Variants in PIEZO2 observed in about 807,000 individuals in gnomAD.
PIEZO2 encodes the protein piezo-type mechanosensitive ion channel component 2.
PIEZO2 carries 172 observed loss-of-function variants against 337.3 expected under a neutral mutation model. The observed-to-expected ratio is 0.51, with a 90% CI of 0.45 to 0.58. PIEZO2 has a LOEUF of 0.58. Among genes scored for constraint, PIEZO2 ranks in the 20% least tolerant of loss-of-function variants. The pLI is 0.00. For synonymous variants in PIEZO2, 1,251 were observed against 1,228.5 expected, an observed-to-expected ratio of 1.02 and a Z score of -0.38; for missense variants, 3,028 against 3,391.3, an observed-to-expected ratio of 0.89 and a Z score of 2.66.
At chr18:10,955,538 G>A (rs987871683) in intron 3 of PIEZO2, among the ~76,000 whole-genome samples, 1 of 152,128 alleles carries the variant, frequency 6.6e-6, no homozygotes, top group African/African-American at 2.4e-5. Context: ...GAGAGTGCAC[G>A]CTTTGGAAGT....
At chr18:10,974,853 A>G (rs926363243) in intron 3 of PIEZO2, among the ~76,000 whole-genome samples, 1 of 152,234 alleles carries the variant, frequency 6.6e-6, no homozygotes, top group Non-Finnish European at 1.5e-5. Context: ...CTCTTGATGT[A>G]AATCAGAGGA....
chr18:10,686,623 G>C (rs962627545), intron 49 of PIEZO2, among the ~76,000 whole-genome samples: 2 of 152,170 alleles, frequency 1.3e-5, no homozygotes, highest in African/African-American at 4.8e-5. Context: ...TGCCATCACA[G>C]AGCTCATAAT....
intron 18 of PIEZO2, among the ~76,000 whole-genome samples, chr18:10,776,171 C>T (rs1015334942): frequency 2.6e-5 from 4 of 152,018 alleles, no homozygotes; most frequent in South Asian, 2.1e-4. Flanking sequence ...TAGAGAAGAA[C>T]GTTAAAAGAC....
At chr18:11,098,362 T>C (rs777872822) in intron 1 of PIEZO2, among the ~76,000 whole-genome samples, 16 of 152,004 alleles carry the variant, frequency 1.1e-4, no homozygotes, top group Non-Finnish European at 1.8e-4. Flanking sequence ...TTTTCTCTCC[T>C]AGGTTTCTTT....
chr18:10,937,991 G>A (rs989060368), intron 3 of PIEZO2, among the ~76,000 whole-genome samples: 3 of 152,172 alleles, frequency 2.0e-5, no homozygotes, highest in African/African-American at 4.8e-5. Flanking sequence ...AAGAAATTAC[G>A]CAGGTGACTT....
At position 10,741,065 on chromosome 18, in the gene PIEZO2, C is replaced by T. The variant is rs2037200794; in HGVS notation, c.4674G>A (p.Lys1558=). The stretch of plus-strand genomic sequence containing the variant: ...GATCAACCCAAGGCCGCCACCACTG[C>T]TTTTTTTTGCCCTTGGCTTTCTGTT... The part of the protein sequence containing the change: ...ADKQKAKGKK[K]QWWRPWVDHA... The change falls in exon 33 of 56, where the codon AAG becomes AAA. Residue 1558 remains lysine (K), a synonymous_variant. Transcript: ENST00000674853. 6.5e-7 allele frequency: 1 copy of T among 1,535,582 alleles called. No individual in the cohort carries two copies. Among genetic ancestry groups the T allele is most frequent in the African/African-American group, 1.4e-5 (1 of 72,924 alleles).
At chr18:10,741,005 G>C in intron 33 of PIEZO2, 26 bp downstream of exon 33, 1 of 1,533,588 alleles carries the variant, frequency 6.5e-7, no homozygotes, top group Non-Finnish European at 8.7e-7. Flanking sequence ...AGTCGATGAG[G>C]TTGTAAGGGG....
At chr18:11,012,181 T>C (rs889764367) in intron 2 of PIEZO2, among the ~76,000 whole-genome samples, 2 of 152,198 alleles carry the variant, frequency 1.3e-5, no homozygotes, top group African/African-American at 4.8e-5. Context: ...TTGTTACTTA[T>C]AGCTTTCAAA....
chr18:10,850,771 G>GA lies in PIEZO2; in HGVS notation c.917+4581dup, dbSNP rs946357166. Among the ~76,000 whole-genome samples the GA allele has an allele frequency of 5.3e-4, 80 of 152,200 alleles. No homozygotes were observed. Among genetic ancestry groups the GA allele is most frequent in the African/African-American group, 1.9e-3 (78 of 41,532 alleles). On this transcript the variant is annotated intron_variant, in intron 7 of 55. Transcript: ENST00000674853. The surrounding 1 kb of genome is among the most constrained non-coding windows in gnomAD (Gnocchi z 4.5). ...TACCTATAGACATAAGAAAGATTCT[G>GA]AAAAAAATTTGGCTAAAAAGCAATA...
At chr18:10,790,312 G>C (rs1023860336) in intron 14 of PIEZO2, among the ~76,000 whole-genome samples, 4 of 152,178 alleles carry the variant, frequency 2.6e-5, no homozygotes, top group Admixed American at 2.6e-4. Context: ...ATGGTTACTG[G>C]TTTAATCTGA....
chr18:11,137,704 G>A (rs143278971), intron 1 of PIEZO2, among the ~76,000 whole-genome samples: 136 of 152,244 alleles, frequency 8.9e-4, no homozygotes, highest in Middle Eastern at 3.4e-3. Context: ...GAGCAGGGAC[G>A]GCCCAACTCT....
chr18:10,866,480 T>C (rs539442186), intron 5 of PIEZO2, among the ~76,000 whole-genome samples: 18 of 152,268 alleles, frequency 1.2e-4, no homozygotes, highest in East Asian at 7.7e-4. Context: ...AGAGACAGGG[T>C]TTCACTGTGT....
chr18:10,798,317 T>C (rs1250237755), intron 11 of PIEZO2, among the ~76,000 whole-genome samples: 3 of 152,152 alleles, frequency 2.0e-5, no homozygotes, highest in African/African-American at 7.2e-5. Context: ...TATAGGTGGG[T>C]TACAGGAGAA....
intron 1 of PIEZO2, among the ~76,000 whole-genome samples, chr18:11,124,284 T>A (rs1396304904): frequency 6.6e-6 from 1 of 152,218 alleles, no homozygotes; most frequent in African/African-American, 2.4e-5. Context: ...TACTTTCCAT[T>A]CCTCTAGGAT....
In PIEZO2 at chr18:11,131,919, C is replaced by T. The variant is rs1005405653; in HGVS notation, c.64+16606G>A. Among the ~76,000 whole-genome samples, 5 of 152,150 alleles carry T rather than the reference C, an allele frequency of 3.3e-5. No individual in the cohort carries two copies. The highest frequency in any genetic ancestry group is 4.8e-5 in the African/African-American group (2 of 41,440). ...CCAATGGGCCCATGAACAAAGGGGC[C>T]ATGGTGGCAGGGTTGGAGGTTATAC... On this transcript the variant is annotated intron_variant, in intron 1 of 55. Transcript: ENST00000674853. This position sits in a 1 kb window ranked among gnomAD's most constrained non-coding sequence, Gnocchi z 5.3.
intron 13 of PIEZO2, among the ~76,000 whole-genome samples, chr18:10,793,208 G>A (rs1041049318): frequency 2.6e-5 from 4 of 152,112 alleles, no homozygotes; most frequent in Non-Finnish European, 5.9e-5. Context: ...GCAGTGAGCC[G>A]AGATTGCGCC....
At chr18:11,010,197 G>A (rs111875230) in intron 2 of PIEZO2, among the ~76,000 whole-genome samples, 140 of 152,258 alleles carry the variant, frequency 9.2e-4, no homozygotes, top group African/African-American at 3.3e-3. Context: ...TACTGGTATT[G>A]TGCTAGATGC....
At chr18:10,782,247 T>G (rs2039016886) in intron 17 of PIEZO2, among the ~76,000 whole-genome samples, 1 of 121,232 alleles carries the variant, frequency 8.2e-6, no homozygotes, top group African/African-American at 3.1e-5. Context: ...ATATATTATA[T>G]GATATATTAT....
In PIEZO2 at chr18:11,099,770, T is replaced by C; in HGVS notation, c.65-33548A>G. On this transcript the variant is annotated intron_variant, in intron 1 of 55. Coordinates refer to ENST00000674853, the MANE Select transcript of PIEZO2 (RefSeq NM_001378183.1). The surrounding 1 kb of genome is among the most constrained non-coding windows in gnomAD (Gnocchi z 5.4). Reference sequence around the variant, plus strand: ...CACTGTGCCCGTCCTATATCTTTATTCTTAATGAGGTTGATTTTCTTTTTA... The same window carrying C: ...CACTGTGCCCGTCCTATATCTTTATCCTTAATGAGGTTGATTTTCTTTTTA... Among the ~76,000 whole-genome samples the C allele has an allele frequency of 6.6e-6, 1 of 152,250 alleles. No homozygotes were observed. Among genetic ancestry groups the C allele is most frequent in the East Asian group, 1.9e-4 (1 of 5,202 alleles).
Sources: allele counts gnomAD v4.1 joint callset (sites outside exome capture counted in the v4.1 genomes callset), GRCh38; gene constraint gnomAD v4.1.1; non-coding constraint Gnocchi (gnomAD v3.1); transcripts MANE v1.5; gene names NCBI Gene and HGNC (gene_info 2026-07-23, HGNC 2026-07-21).